The following GCH1 variants were observed in gnomAD, a reference collection of about 807,000 sequenced individuals.
GCH1 encodes GTP cyclohydrolase 1.
A neutral mutation model predicts 25.9 loss-of-function variants in GCH1; 5 were observed. The ratio of observed to expected loss-of-function variants is 0.19; its 90% CI spans 0.10 to 0.41. The LOEUF (loss-of-function observed/expected upper bound fraction) is 0.41, where lower values mean the gene tolerates loss of function less well. Ranked by LOEUF, GCH1 falls within the 10% of genes least tolerant of loss-of-function variation. The pLI, the probability that GCH1 is intolerant of heterozygous loss-of-function variation, is 1.00. For synonymous variants in GCH1, 159 were observed against 129.6 expected (o/e 1.23, Z -1.54); for missense variants, 261 against 336.5 (o/e 0.78, Z 1.75).
Position 54,843,964 on chromosome 14 carries a change from A to G in GCH1, c.*53T>C, listed in dbSNP as rs112153636. On this transcript the variant is annotated 3_prime_UTR_variant, in exon 6 of 6. Coordinates refer to ENST00000491895, the MANE Select transcript of GCH1 (RefSeq NM_000161.3). ...TGTACAAACAAGACCGGACAGACAG[A>G]CAATGCTACTGGCAGTACGATCGGC... 1 of 1,614,000 alleles carries G rather than the reference A, an allele frequency of 6.2e-7. No individual in the cohort carries two copies. The highest frequency in any genetic ancestry group is 2.2e-5 in the East Asian group (1 of 44,900).
intron 3 of GCH1, among the ~76,000 whole-genome samples, chr14:54,850,016 C>T (rs2140048295): frequency 6.6e-6 from 1 of 152,056 alleles, no homozygotes; most frequent in Non-Finnish European, 1.5e-5. Context: ...GCTCTGTTGC[C>T]CAGGCTGGAG....
chr14:54,885,393 A>T, intron 1 of GCH1: 1 of 252,476 alleles, frequency 4.0e-6, no homozygotes, highest in Non-Finnish European at 8.1e-6. Flanking sequence ...TCTCTGTCTA[A>T]TAGGAACTCC....
intron 1 of GCH1, among the ~76,000 whole-genome samples, chr14:54,889,882 G>A (rs1012412075): frequency 2.0e-5 from 3 of 152,122 alleles, no homozygotes; most frequent in Admixed American, 6.5e-5. Flanking sequence ...GAGGAAATGC[G>A]ATGGAAGATA....
In GCH1 at chr14:54,843,892, T is replaced by G. The variant is rs201730887; in HGVS notation, c.*125A>C. 1 of 1,607,832 alleles carries G rather than the reference T, an allele frequency of 6.2e-7. No individual in the cohort carries two copies. The highest frequency in any genetic ancestry group is 2.2e-5 in the East Asian group (1 of 44,814). The stretch of plus-strand genomic sequence containing the variant: ...TTCCTAGAAATAATTTTAAATATAA[T>G]TAGTGACAAGGAATAAAGTTCACAT... On this transcript the variant is annotated 3_prime_UTR_variant, in exon 6 of 6. Transcript: ENST00000491895.
chr14:54,890,355 G>A (rs1481603701), intron 1 of GCH1, among the ~76,000 whole-genome samples: 2 of 152,216 alleles, frequency 1.3e-5, no homozygotes, highest in Non-Finnish European at 2.9e-5. Flanking sequence ...AAATTAGCCA[G>A]GCTTGGTGGC....
intron 2 of GCH1, among the ~76,000 whole-genome samples, chr14:54,862,535 AC>A (rs975196567): frequency 2.0e-5 from 3 of 147,578 alleles, no homozygotes; most frequent in Non-Finnish European, 4.5e-5. Context: ...GGTGCATGCC[AC>A]CATGCTAGCT....
In GCH1 at chr14:54,902,514, C is replaced by T. The variant is rs1001181151; in HGVS notation, c.150G>A (p.Ala50=). ...GGGGCCGCTCGCCCTTCCAGCCGTC[C>T]GCGGGCTGCGCGCTCTTGGCCTCGG... ...PRPEAKSAQP[A]DGWKGERPRS... is the part of the protein sequence containing the mutation. The change falls in exon 1 of 6, where the codon GCG becomes GCA. Residue 50 remains alanine, a synonymous_variant. Coordinates refer to ENST00000491895, the MANE Select transcript of GCH1 (RefSeq NM_000161.3). The T allele has an allele frequency of 1.3e-6, 2 of 1,595,108 alleles. No homozygotes were observed. Among genetic ancestry groups the T allele is most frequent in the African/African-American group, 2.7e-5 (2 of 73,888 alleles).
chr14:54,901,162 G>T (rs1423441621), intron 1 of GCH1, among the ~76,000 whole-genome samples: 1 of 152,006 alleles, frequency 6.6e-6, no homozygotes, highest in Non-Finnish European at 1.5e-5. Context: ...TTTTCCCAGG[G>T]TCTATTTGGT....
chr14:54,894,614 A>C (rs2040461951), intron 1 of GCH1, among the ~76,000 whole-genome samples: 1 of 152,210 alleles, frequency 6.6e-6, no homozygotes, highest in Admixed American at 6.5e-5. Flanking sequence ...CCCATGTCAG[A>C]AAAATTGTTT....
chr14:54,861,647 T>C (rs553065621), intron 2 of GCH1, among the ~76,000 whole-genome samples: 2 of 150,486 alleles, frequency 1.3e-5, no homozygotes, highest in Non-Finnish European at 3.0e-5. Flanking sequence ...TGCTTGAACC[T>C]GGGAGGCGGA....
Position 54,842,897 on chromosome 14 carries a change from GACCAC to G in GCH1, c.*1115_*1119del. 1 of 589,630 alleles carries G rather than the reference GACCAC, an allele frequency of 1.7e-6. No homozygotes were observed. The highest frequency in any genetic ancestry group is 3.1e-6 in the Non-Finnish European group (1 of 325,442). The allele number at this position is 589,630 out of a possible 1,614,324, so 36.5% of individuals were successfully genotyped here. On this transcript the variant is annotated 3_prime_UTR_variant, in exon 6 of 6. Transcript: ENST00000491895. ...TTACAATGAGGACAAGACCCACATA[GACCAC>G]AAAGGAAACCGGGACCAGAAGCTTC...
intron 1 of GCH1, chr14:54,885,506 C>T: frequency 3.2e-6 from 1 of 310,850 alleles, no homozygotes. Context: ...TCATTGATGG[C>T]ATCCAAACCT....
rs910348579 is a variant in GCH1 at position 54,883,264 on chromosome 14, C to T, written c.344-17828G>A. ...GCGCGTGCCTGTAATCCCAGCTATT[C>T]GGTAGGCTGAGGCAGATGAATTGCT... On this transcript the variant is annotated intron_variant, in intron 1 of 5. Coordinates refer to ENST00000491895, the MANE Select transcript of GCH1 (RefSeq NM_000161.3). Among the ~76,000 whole-genome samples the T allele has an allele frequency of 9.5e-5, 14 of 147,954 alleles. No individual in the cohort carries two copies. The South Asian group carries it at 2.6e-3, about 27-fold the overall frequency.
intron 1 of GCH1, among the ~76,000 whole-genome samples, chr14:54,888,790 T>TG (rs2040388190): frequency 6.6e-6 from 1 of 151,960 alleles, no homozygotes; most frequent in Non-Finnish European, 1.5e-5. Context: ...CCCAAAGTGC[T>TG]GGGATTACAG....
chr14:54,871,352 C>G (rs1318781851), intron 1 of GCH1, among the ~76,000 whole-genome samples: 2 of 152,200 alleles, frequency 1.3e-5, no homozygotes, highest in Non-Finnish European at 2.9e-5. Context: ...ATCTGTACAT[C>G]ACCATCATCA....
intron 1 of GCH1, among the ~76,000 whole-genome samples, chr14:54,878,990 G>A (rs2040202902): frequency 6.6e-6 from 1 of 151,974 alleles, no homozygotes; most frequent in African/African-American, 2.4e-5. Context: ...TTGAACTCCT[G>A]GGCTCAAGCT....
rs1180929919 is a variant in GCH1, at chr14:54,842,343, T to C, written c.*1674A>G. 1 of 152,662 alleles carries C rather than the reference T, an allele frequency of 6.6e-6. No individual in the cohort carries two copies. Among genetic ancestry groups the C allele is most frequent in the Non-Finnish European group, 1.5e-5 (1 of 68,048 alleles). The allele number at this position is 152,662 out of a possible 1,614,324, so 9.5% of individuals were successfully genotyped here. A position where few individuals can be genotyped will look rare whatever the true frequency, so the allele number is the denominator to read the frequency against. On this transcript the variant is annotated 3_prime_UTR_variant, in exon 6 of 6. Coordinates refer to ENST00000491895, the MANE Select transcript of GCH1 (RefSeq NM_000161.3). ...AAATGAGTTCATAAAGATAAATGTA[T>C]AGCTGACAATTTCTTTGGTCCTCGA...
At chr14:54,885,958 A>G (rs1475943753) in intron 1 of GCH1, 2 of 253,202 alleles carry the variant, frequency 7.9e-6, no homozygotes, top group Admixed American at 9.2e-5. Flanking sequence ...CAGCCCAGAC[A>G]GGACCTGCTG....
At chr14:54,869,942 C>G (rs2040045131) in intron 1 of GCH1, among the ~76,000 whole-genome samples, 1 of 152,098 alleles carries the variant, frequency 6.6e-6, no homozygotes, top group African/African-American at 2.4e-5. Context: ...CATCCATACA[C>G]AGAAGAGACT....
Sources: gnomAD v4.1 joint callset for allele counts (sites outside exome capture counted in the v4.1 genomes callset) on GRCh38, gnomAD v4.1.1 for gene constraint, MANE v1.5 for transcripts, NCBI Gene and HGNC (gene_info 2026-07-23, HGNC 2026-07-21) for gene names.